The following STAP1 variants were observed in gnomAD, a reference collection of about 807,000 sequenced individuals.
STAP1 encodes the protein signal-transducing adaptor protein 1.
Under a neutral mutation model 37.8 loss-of-function variants are expected in STAP1, and 30 were observed. That is an observed-to-expected ratio of 0.79 (90% CI 0.59 to 1.08). STAP1 has a LOEUF of 1.08. STAP1 is among the 50% of genes least tolerant of loss of function. STAP1 has a pLI of 0.00. For synonymous variants in STAP1, 130 were observed against 116.0 expected, an observed-to-expected ratio of 1.12 and a Z score of -0.78; for missense variants, 357 against 349.4, an observed-to-expected ratio of 1.02 and a Z score of -0.17.
intron 2 of STAP1, among the ~76,000 whole-genome samples, chr4:67,572,885 A>G (rs1028664351): frequency 6.6e-6 from 1 of 152,196 alleles, no homozygotes; most frequent in Non-Finnish European, 1.5e-5. Flanking sequence ...TAGATAGGTA[A>G]TACGAAAGGT....
chr4:67,558,757 A>C lies in STAP1; in HGVS notation c.-53A>C. On this transcript the variant is annotated 5_prime_UTR_variant, in exon 1 of 9. Transcript: ENST00000265404. ...GTTGCCTTTTCCTCTCACAGAAGGAAGATTTCATTTTGTTTGAGACGAGAA... is the reference window on the plus strand; with the variant it reads ...GTTGCCTTTTCCTCTCACAGAAGGACGATTTCATTTTGTTTGAGACGAGAA... The C allele has an allele frequency of 1.3e-6, 2 of 1,578,526 alleles. No homozygotes were observed. The highest frequency in any genetic ancestry group is 1.7e-6 in the Non-Finnish European group (2 of 1,166,420).
intron 8 of STAP1, among the ~76,000 whole-genome samples, chr4:67,603,814 G>A (rs1728394796): frequency 6.6e-6 from 1 of 151,794 alleles, no homozygotes; most frequent in South Asian, 2.1e-4. Flanking sequence ...AGTCTTTCCT[G>A]GAGTTGTGCT....
chr4:67,569,196 T>C (rs1355765695), intron 1 of STAP1, among the ~76,000 whole-genome samples: 1 of 152,204 alleles, frequency 6.6e-6, no homozygotes, highest in Non-Finnish European at 1.5e-5. Flanking sequence ...TATTTGTTTA[T>C]CTAAACATAT....
intron 5 of STAP1, 31 bp downstream of exon 5, chr4:67,581,502 T>C (rs200845964): frequency 2.5e-6 from 4 of 1,573,576 alleles, no homozygotes; most frequent in East Asian, 2.3e-5. Flanking sequence ...AGTTTATTCA[T>C]TCGATTGTTA....
intron 8 of STAP1, among the ~76,000 whole-genome samples, chr4:67,596,957 G>A (rs984359742): frequency 3.9e-5 from 6 of 152,208 alleles, no homozygotes; most frequent in Non-Finnish European, 2.9e-5. Flanking sequence ...AATTCAAGCT[G>A]GCTGCAGAAA....
In STAP1 at chr4:67,558,877, C is replaced by T. The variant is rs376738460; in HGVS notation, c.68C>T (p.Ala23Val). Residue 23 changes from alanine to valine, a missense_variant, in exon 1 of 9, where the codon GCT (alanine) becomes GTT (valine). Transcript: ENST00000265404. ...RIFQERLKITALPLYFEGFLL... is the reference protein window; with the variant it reads ...RIFQERLKITVLPLYFEGFLL... ...TTCCAGGAAAGGTTAAAGATTACTG[C>T]TCTACCTTTGTACTTTGAAGGTTTT... 5.9e-5 allele frequency: 96 copies of T among 1,613,846 alleles called. 1 individual carries two copies. The African/African-American group carries it at 9.1e-4, about 15-fold the overall frequency.
At chr4:67,566,534 C>T (rs1435252806) in intron 1 of STAP1, among the ~76,000 whole-genome samples, 2 of 152,168 alleles carry the variant, frequency 1.3e-5, no homozygotes, top group African/African-American at 4.8e-5. Context: ...GAGCAGTACA[C>T]TCACTCTCTC....
rs538230941 is a variant in STAP1, at chr4:67,607,327, G to T, written c.*970G>T. The T allele has an allele frequency of 6.6e-6, 1 of 152,216 alleles. No individual in the cohort carries two copies. The highest frequency in any genetic ancestry group is 2.1e-4 in the South Asian group (1 of 4,814). 9.4% of individuals were successfully genotyped at this position (152,216 alleles called of 1,614,324 possible). A position where few individuals can be genotyped will look rare whatever the true frequency, so the allele number is the denominator to read the frequency against. ...TCTTGACTTGTGAGAAAATAAATTT[G>T]TGTTCCTTAATCCACATGGTCTGTG... On this transcript the variant is annotated 3_prime_UTR_variant, in exon 9 of 9. Transcript: ENST00000265404.
At chr4:67,559,956 A>G (rs1388755734) in intron 1 of STAP1, among the ~76,000 whole-genome samples, 1 of 152,192 alleles carries the variant, frequency 6.6e-6, no homozygotes, top group African/African-American at 2.4e-5. Context: ...ATGCATAAAT[A>G]ATTACCTTTC....
rs919451812 is a variant in STAP1 at position 67,564,730 on chromosome 4, T to C, written c.120+5801T>C. On this transcript the variant is annotated intron_variant, in intron 1 of 8. Transcript: ENST00000265404. ...GAGTTCGAGACCAGCCTGGCCAACA[T>C]GGTGAAACCCTGCCTCTACTAAAAA... is the stretch of plus-strand genomic sequence containing the variant. Among the ~76,000 whole-genome samples, 4 of 152,048 alleles carry C rather than the reference T, an allele frequency of 2.6e-5. 1 individual carries two copies. Among genetic ancestry groups the C allele is most frequent in the Non-Finnish European group, 5.9e-5 (4 of 68,008 alleles).
intron 6 of STAP1, 44 bp downstream of exon 6, chr4:67,583,746 G>C: frequency 6.3e-7 from 1 of 1,590,036 alleles, no homozygotes; most frequent in South Asian, 1.1e-5. Context: ...TAAAAGCGTG[G>C]TATCACTAAA....
intron 2 of STAP1, among the ~76,000 whole-genome samples, chr4:67,572,446 T>A (rs560574424): frequency 6.6e-6 from 1 of 152,236 alleles, no homozygotes; most frequent in South Asian, 2.1e-4. Flanking sequence ...AGCAACTGCT[T>A]ATGGTAATAA....
chr4:67,563,409 A>G (rs564707652), intron 1 of STAP1, among the ~76,000 whole-genome samples: 1 of 152,264 alleles, frequency 6.6e-6, no homozygotes, highest in East Asian at 1.9e-4. Context: ...TATTCACTTC[A>G]CAAATGAGTG....
At chr4:67,576,627 C>A (rs1727726421) in intron 3 of STAP1, among the ~76,000 whole-genome samples, 1 of 152,150 alleles carries the variant, frequency 6.6e-6, no homozygotes, top group Non-Finnish European at 1.5e-5. Context: ...TCACCTTAGC[C>A]TCTCAAGTAG....
chr4:67,602,069 CA>C (rs1191859352), intron 8 of STAP1, among the ~76,000 whole-genome samples: 1 of 151,720 alleles, frequency 6.6e-6, no homozygotes, highest in Non-Finnish European at 1.5e-5. Context: ...TGTGCATCTT[CA>C]AATAGCCTGT....
At chr4:67,597,590 A>G (rs756990359) in intron 8 of STAP1, among the ~76,000 whole-genome samples, 1 of 152,176 alleles carries the variant, frequency 6.6e-6, no homozygotes, top group Non-Finnish European at 1.5e-5. Flanking sequence ...GCCGCAGGGG[A>G]TGTACCCTGC....
chr4:67,606,209 C>G, intron 8 of STAP1, 87 bp from the exon 9 acceptor site: 2 of 1,043,202 alleles, frequency 1.9e-6, no homozygotes, highest in Middle Eastern at 4.2e-4. Flanking sequence ...CACACACGAG[C>G]AGGAAAATCA....
chr4:67,585,287 C>T (rs1159566975), intron 6 of STAP1, among the ~76,000 whole-genome samples: 2 of 151,936 alleles, frequency 1.3e-5, no homozygotes, highest in African/African-American at 4.8e-5. Flanking sequence ...TCTACTAATC[C>T]ACCCCATAAA....
At chr4:67,588,428 G>A (rs186251053) in intron 6 of STAP1, among the ~76,000 whole-genome samples, 64 of 151,448 alleles carry the variant, frequency 4.2e-4, no homozygotes, top group African/African-American at 1.6e-3. Context: ...TGTTTTTTTT[G>A]AGACGGGGCC....
Sources: allele counts gnomAD v4.1 joint callset (sites outside exome capture counted in the v4.1 genomes callset), GRCh38; gene constraint gnomAD v4.1.1; transcripts MANE v1.5; gene names NCBI Gene and HGNC (gene_info 2026-07-23, HGNC 2026-07-21).